GRIA2: variants seen among roughly 807,000 people sequenced by gnomAD.
GRIA2 encodes glutamate ionotropic receptor AMPA type subunit 2, also known as glutamate receptor 2.
Under a neutral mutation model 97.3 loss-of-function variants are expected in GRIA2, and 14 were observed. The observed-to-expected ratio is 0.14, with a 90% CI of 0.10 to 0.23. The LOEUF is 0.23. Ranked by LOEUF, GRIA2 falls within the 10% of genes least tolerant of loss-of-function variation. The pLI is 1.00. For synonymous variants in GRIA2, 412 were observed against 387.8 expected (o/e 1.06, Z -0.73); for missense variants, 558 against 1,069.8 (o/e 0.52, Z 6.67).
At chr4:157,227,056 T>C (rs1729780480) in intron 2 of GRIA2, among the ~76,000 whole-genome samples, 1 of 152,194 alleles carries the variant, frequency 6.6e-6, no homozygotes, top group African/African-American at 2.4e-5. Context: ...TGGCATTGGT[T>C]GAAATATTCT....
At chr4:157,255,576 T>C (rs371257206) in intron 2 of GRIA2, among the ~76,000 whole-genome samples, 25 of 152,098 alleles carry the variant, frequency 1.6e-4, no homozygotes, top group Middle Eastern at 6.8e-3. Context: ...CTGTTGTTTT[T>C]TGTCTTTTTA....
chr4:157,357,383 A>G (rs1222705184), intron 12 of GRIA2, among the ~76,000 whole-genome samples: 7 of 152,120 alleles, frequency 4.6e-5, no homozygotes, highest in Non-Finnish European at 8.8e-5. Flanking sequence ...TCATGAAAAC[A>G]TTTTATTAAC....
chr4:157,283,482 A>G (rs939791103), intron 2 of GRIA2, among the ~76,000 whole-genome samples: 2 of 152,032 alleles, frequency 1.3e-5, no homozygotes, highest in East Asian at 1.9e-4. Flanking sequence ...TTATAAATAT[A>G]GTAATGCTTA....
rs1736619411 is a variant in GRIA2 at position 157,361,245 on chromosome 4, G to C, written c.2406+121G>C. ...AACGCTAAGCTGAAGAGTGCAATTG[G>C]ATGACCAGGACACTTGACTTCTTCT... is the stretch of plus-strand genomic sequence containing the variant. On this transcript the variant is annotated intron_variant, in intron 14 of 15. Coordinates refer to ENST00000264426, the MANE Select transcript of GRIA2 (RefSeq NM_001083619.3). The surrounding 1 kb of genome is among the most constrained non-coding windows in gnomAD (Gnocchi z 5.2). 5.5e-6 allele frequency: 4 copies of C among 721,956 alleles called. No individual in the cohort carries two copies. Among genetic ancestry groups the C allele is most frequent in the Non-Finnish European group, 7.1e-6 (3 of 425,322 alleles). The allele number at this position is 721,956 out of a possible 1,614,324, so 44.7% of individuals were successfully genotyped here.
Position 157,300,664 on chromosome 4 carries a change from G to A in GRIA2, c.230-2888G>A, listed in dbSNP as rs72962864. Among the ~76,000 whole-genome samples the A allele has an allele frequency of 4.9e-3, 745 of 152,224 alleles. 4 individuals carry two copies. Among genetic ancestry groups the A allele is most frequent in the African/African-American group, 0.017 (708 of 41,538 alleles). ...GAAGAAATAAAGGATAAGAAGAGAGGGTTGAGGGAGACCAAAGAGAGTCAG... is the reference window on the plus strand; with the variant it reads ...GAAGAAATAAAGGATAAGAAGAGAGAGTTGAGGGAGACCAAAGAGAGTCAG... On this transcript the variant is annotated intron_variant, in intron 2 of 15. Coordinates refer to ENST00000264426, the MANE Select transcript of GRIA2 (RefSeq NM_001083619.3).
intron 12 of GRIA2, among the ~76,000 whole-genome samples, chr4:157,359,472 A>T (rs1389215270): frequency 6.6e-6 from 1 of 152,160 alleles, no homozygotes; most frequent in Non-Finnish European, 1.5e-5. Context: ...CTCACCACTT[A>T]CATGCCTGAC....
intron 2 of GRIA2, among the ~76,000 whole-genome samples, chr4:157,279,492 T>C (rs1359946855): frequency 6.6e-6 from 1 of 152,156 alleles, no homozygotes; most frequent in Non-Finnish European, 1.5e-5. Flanking sequence ...AGTTGGGTGA[T>C]ATTATGTTTC....
intron 12 of GRIA2, chr4:157,342,551 G>A (rs1327344316): frequency 4.1e-6 from 2 of 488,276 alleles, no homozygotes; most frequent in Admixed American, 6.4e-5. Flanking sequence ...AATGAATCTT[G>A]TAATGTAGAT....
At chr4:157,325,150 C>A (rs548678851) in intron 6 of GRIA2, among the ~76,000 whole-genome samples, 2 of 152,030 alleles carry the variant, frequency 1.3e-5, no homozygotes, top group Non-Finnish European at 2.9e-5. Context: ...GATTGTTCAA[C>A]GTTTTCATCT....
chr4:157,301,841 G>A (rs1733628863), intron 2 of GRIA2, among the ~76,000 whole-genome samples: 1 of 151,962 alleles, frequency 6.6e-6, no homozygotes, highest in Non-Finnish European at 1.5e-5. Context: ...GGATTGAAAT[G>A]ACCCCGAGAT....
intron 2 of GRIA2, chr4:157,249,486 T>C (rs921359949): frequency 6.6e-5 from 10 of 152,118 alleles, no homozygotes; most frequent in Non-Finnish European, 1.0e-4. Context: ...GCTTTTGACA[T>C]ACGGAGGAAT....
At chr4:157,223,452 A>AT (rs1430232872) in intron 2 of GRIA2, among the ~76,000 whole-genome samples, 1 of 152,234 alleles carries the variant, frequency 6.6e-6, no homozygotes, top group East Asian at 1.9e-4. Context: ...AAACGTCCGT[A>AT]ATAGAATATC....
chr4:157,298,610 G>GTTT (rs1733464195), intron 2 of GRIA2, among the ~76,000 whole-genome samples: 52 of 68,130 alleles, frequency 7.6e-4, no homozygotes, highest in Non-Finnish European at 7.6e-4. Context: ...TTGAAGCTAA[G>GTTT]CTTTTTTTTT....
At chr4:157,330,395 A>G (rs1734997570) in intron 6 of GRIA2, among the ~76,000 whole-genome samples, 1 of 151,938 alleles carries the variant, frequency 6.6e-6, no homozygotes, top group South Asian at 2.1e-4. Flanking sequence ...TTCTTTGAAT[A>G]TATTTTTTCA....
chr4:157,316,072 G>A (rs1032138611), intron 4 of GRIA2, among the ~76,000 whole-genome samples: 17 of 152,164 alleles, frequency 1.1e-4, no homozygotes, highest in African/African-American at 3.6e-4. Flanking sequence ...CTCAAGTAGG[G>A]ACTACTGATA....
At chr4:157,330,142 A>T (rs1403149849) in intron 6 of GRIA2, among the ~76,000 whole-genome samples, 1 of 151,950 alleles carries the variant, frequency 6.6e-6, no homozygotes, top group Non-Finnish European at 1.5e-5. Flanking sequence ...TGTAACATAG[A>T]CAGAAGAAGC....
chr4:157,258,791 CTTTA>C (rs1343412310), intron 2 of GRIA2, among the ~76,000 whole-genome samples: 1 of 152,064 alleles, frequency 6.6e-6, no homozygotes, highest in Non-Finnish European at 1.5e-5. Context: ...TACTCTTTCC[CTTTA>C]TTTCTCAGAG....
chr4:157,310,746 A>G (rs747188134), intron 3 of GRIA2, among the ~76,000 whole-genome samples: 42 of 152,240 alleles, frequency 2.8e-4, no homozygotes, highest in Non-Finnish European at 5.3e-4. Flanking sequence ...ATTAGTTAAC[A>G]TAATTTTTAA....
At chr4:157,311,735 T>C (rs1027893092) in intron 3 of GRIA2, among the ~76,000 whole-genome samples, 2 of 151,986 alleles carry the variant, frequency 1.3e-5, no homozygotes, top group Non-Finnish European at 2.9e-5. Context: ...TTCTGGAGTC[T>C]CGATTTTGCG....
Sources: allele counts gnomAD v4.1 joint callset (sites outside exome capture counted in the v4.1 genomes callset), GRCh38; gene constraint gnomAD v4.1.1; non-coding constraint Gnocchi (gnomAD v3.1); transcripts MANE v1.5; gene names NCBI Gene and HGNC (gene_info 2026-07-23, HGNC 2026-07-21).